The following REV3L variants were observed in gnomAD, a reference collection of about 807,000 sequenced individuals.
REV3L encodes DNA polymerase zeta catalytic subunit.
In REV3L, 69 loss-of-function variants were observed where a neutral mutation model predicts 299.4. The observed-to-expected ratio is 0.23, with a 90% CI of 0.19 to 0.28. The LOEUF (loss-of-function observed/expected upper bound fraction) is 0.28. Ranked by LOEUF, REV3L falls within the 10% of genes least tolerant of loss-of-function variation. The pLI is 1.00. For synonymous variants in REV3L, 1,238 were observed against 1,271.4 expected (o/e 0.97, Z 0.56); for missense variants, 3,128 against 3,693.8 (o/e 0.85, Z 3.97).
At chr6:111,436,463 A>G (rs546760310) in intron 1 of REV3L, among the ~76,000 whole-genome samples, 6 of 152,286 alleles carry the variant, frequency 3.9e-5, no homozygotes, top group African/African-American at 1.4e-4. Flanking sequence ...AAAAAATGAA[A>G]TCCTGTCATT....
intron 4 of REV3L, among the ~76,000 whole-genome samples, chr6:111,398,345 T>TA (rs1782741358): frequency 1.3e-5 from 2 of 151,814 alleles, no homozygotes; most frequent in Non-Finnish European, 2.9e-5. Flanking sequence ...ATGAGGATGT[T>TA]AAAAAAATAT....
intron 9 of REV3L, among the ~76,000 whole-genome samples, chr6:111,382,362 C>T (rs1412897249): frequency 6.6e-6 from 1 of 152,156 alleles, no homozygotes; most frequent in East Asian, 1.9e-4. Context: ...ATCTCTCAGG[C>T]AGTGGTCTTG....
At chr6:111,348,981 T>C (rs1777304918) in intron 20 of REV3L, 1 of 308,994 alleles carries the variant, frequency 3.2e-6, no homozygotes, top group African/African-American at 2.2e-5. Flanking sequence ...CTATAGACCT[T>C]TCTAGTTATT....
chr6:111,342,970 TCATATA>T (rs1776672473), intron 21 of REV3L, among the ~76,000 whole-genome samples: 1 of 152,144 alleles, frequency 6.6e-6, no homozygotes, highest in Non-Finnish European at 1.5e-5. Flanking sequence ...AAAGACATCT[TCATATA>T]AACAAGGGCT....
In REV3L at chr6:111,375,293, T is replaced by C. The variant is rs1219928203; in HGVS notation, c.3062A>G (p.Lys1021Arg). ...MELYKKLAPL[K>R]DFWPKVPDSP... is the part of the protein sequence containing the mutation. ...GTCGGGAACTTTTGGCCAAAAGTCC[T>C]TCAAAGGTGCAAGCTTTTTATATAG... is the stretch of plus-strand genomic sequence containing the variant. Residue 1021 changes from lysine (K) to arginine (R), a missense_variant, in exon 13 of 32, where the codon AAG (lysine) becomes AGG (arginine). Around this residue, in one of 9 missense-constraint regions of REV3L, gnomAD observed 2,409 missense variants for 2,611.8 expected, o/e 0.92. Transcript: ENST00000368802. 1 of 1,599,768 alleles carries C rather than the reference T, an allele frequency of 6.3e-7. No homozygotes were observed. The highest frequency in any genetic ancestry group is 8.5e-7 in the Non-Finnish European group (1 of 1,176,772).
At chr6:111,306,372 T>C (rs1198221234) in intron 31 of REV3L, among the ~76,000 whole-genome samples, 1 of 151,684 alleles carries the variant, frequency 6.6e-6, no homozygotes, top group African/African-American at 2.4e-5. Context: ...CGAGGTAGAG[T>C]GTGACAGAGA....
intron 16 of REV3L, 142 bp from the exon 17 acceptor site, chr6:111,359,156 C>A: frequency 1.9e-6 from 1 of 537,856 alleles, no homozygotes; most frequent in Non-Finnish European, 3.1e-6. Flanking sequence ...CAGCAGCACT[C>A]CATATATTAA....
intron 1 of REV3L, among the ~76,000 whole-genome samples, chr6:111,457,985 A>C (rs984844799): frequency 2.0e-5 from 3 of 151,960 alleles, no homozygotes; most frequent in African/African-American, 7.2e-5. Flanking sequence ...AAAGGACATT[A>C]TATGCAAAGA....
chr6:111,448,332 C>T (rs78301163), intron 1 of REV3L, among the ~76,000 whole-genome samples: 1 of 151,800 alleles, frequency 6.6e-6, no homozygotes, highest in South Asian at 2.1e-4. Context: ...TGGAGGTTTT[C>T]TTTTTTTTCT....
At chr6:111,372,574 A>T (rs748753708) in intron 13 of REV3L, 22 bp downstream of exon 13, 7 of 1,469,146 alleles carry the variant, frequency 4.8e-6, no homozygotes, top group African/African-American at 1.4e-5. Flanking sequence ...AGAGTGACCC[A>T]AGGGAAAAAA....
intron 1 of REV3L, among the ~76,000 whole-genome samples, chr6:111,445,247 G>A (rs918123067): frequency 3.3e-5 from 5 of 152,120 alleles, no homozygotes; most frequent in African/African-American, 1.2e-4. Flanking sequence ...AGGTAGGGAG[G>A]GGGGCAAGGA....
chr6:111,427,645 G>C (rs1337468443), intron 1 of REV3L, among the ~76,000 whole-genome samples: 1 of 152,154 alleles, frequency 6.6e-6, no homozygotes, highest in Admixed American at 6.5e-5. Flanking sequence ...CCAGCACCAA[G>C]CATGCAGAAA....
At chr6:111,355,581 T>C (rs1277037261) in intron 18 of REV3L, among the ~76,000 whole-genome samples, 1 of 152,164 alleles carries the variant, frequency 6.6e-6, no homozygotes, top group Admixed American at 6.5e-5. Context: ...GTACATTTCA[T>C]TTTATGGACA....
At chr6:111,356,831 G>C in intron 18 of REV3L, 183 bp downstream of exon 18, 1 of 327,048 alleles carries the variant, frequency 3.1e-6, no homozygotes, top group Non-Finnish European at 5.6e-6. Flanking sequence ...TCCCTTGTCT[G>C]ATGAAAATAG....
At chr6:111,346,466 A>G (rs1777038638) in intron 20 of REV3L, among the ~76,000 whole-genome samples, 1 of 152,188 alleles carries the variant, frequency 6.6e-6, no homozygotes, top group Non-Finnish European at 1.5e-5. Flanking sequence ...TTGTATATTA[A>G]AAAAACAAAC....
At position 111,373,515 on chromosome 6, in the gene REV3L, T is replaced by C; in HGVS notation, c.4840A>G (p.Asn1614Asp). The C allele has an allele frequency of 6.2e-7, 1 of 1,613,434 alleles. No individual in the cohort carries two copies. Among genetic ancestry groups the C allele is most frequent in the Non-Finnish European group, 8.5e-7 (1 of 1,179,840 alleles). Residue 1614 changes from asparagine (N) to aspartate (D), a missense_variant, in exon 13 of 32, where the codon AAC becomes GAC. Around this residue, in one of 9 missense-constraint regions of REV3L, gnomAD observed 2,409 missense variants for 2,611.8 expected, o/e 0.92. Transcript: ENST00000368802. ...LNLQNSSQLDNSVSDDSPIFF... is the reference protein window; with the variant it reads ...LNLQNSSQLDDSVSDDSPIFF... ...ATGGGACTATCATCTGATACAGAGT[T>C]ATCCAACTGGCTAGAGTTTTGTAAA...
intron 17 of REV3L, among the ~76,000 whole-genome samples, chr6:111,357,421 A>T (rs1229859468): frequency 6.6e-6 from 1 of 152,154 alleles, no homozygotes; most frequent in Non-Finnish European, 1.5e-5. Context: ...GGCTGGGTGC[A>T]GTGGCTCACG....
chr6:111,449,878 T>C (rs1423772027), intron 1 of REV3L, among the ~76,000 whole-genome samples: 2 of 151,874 alleles, frequency 1.3e-5, no homozygotes, highest in South Asian at 2.1e-4. Context: ...AATGTAGCAA[T>C]AGAAACAAGC....
chr6:111,453,211 G>A (rs1420333753), intron 1 of REV3L, among the ~76,000 whole-genome samples: 7 of 151,984 alleles, frequency 4.6e-5, no homozygotes, highest in Admixed American at 3.9e-4. Flanking sequence ...ACACTCTTAG[G>A]TAAAAATAAG....
Sources: allele counts gnomAD v4.1 joint callset (sites outside exome capture counted in the v4.1 genomes callset), GRCh38; gene constraint gnomAD v4.1.1; regional missense constraint gnomAD v4.1.1; transcripts MANE v1.5; gene names NCBI Gene and HGNC (gene_info 2026-07-23, HGNC 2026-07-21).